TCERG1L: variants seen among roughly 807,000 people sequenced by gnomAD.
The protein encoded by TCERG1L is transcription elongation regulator 1 like, also known as transcription elongation regulator 1-like protein.
Under a neutral mutation model 56.3 loss-of-function variants are expected in TCERG1L, and 37 were observed. That is an observed-to-expected ratio of 0.66 (90% CI 0.51 to 0.87). TCERG1L has a LOEUF of 0.87. Among genes scored for constraint, TCERG1L ranks in the 40% least tolerant of loss-of-function variants. The pLI is 0.00. For missense variants in TCERG1L, 799 were observed against 774.2 expected (o/e 1.03, Z -0.38); for synonymous variants, 324 against 326.3 (o/e 0.99, Z 0.08).
chr10:131,117,091 G>A (rs1168304232), intron 8 of TCERG1L, among the ~76,000 whole-genome samples, 157 bp from the exon 9 acceptor site: 1 of 152,180 alleles, frequency 6.6e-6, no homozygotes, highest in Non-Finnish European at 1.5e-5. Flanking sequence ...CGCAAAGATG[G>A]CACATTTGCT....
At chr10:131,265,981 A>T (rs1250323089) in intron 3 of TCERG1L, among the ~76,000 whole-genome samples, 1 of 152,270 alleles carries the variant, frequency 6.6e-6, no homozygotes, top group Non-Finnish European at 1.5e-5. Flanking sequence ...TTTTAGCCGC[A>T]GTAGAACTTT....
chr10:131,311,312 G>T lies in TCERG1L; in HGVS notation c.324C>A (p.Phe108Leu), dbSNP rs1378185353. ...DSAAAAAAHP[F>L]PALHGQWLFG... The stretch of plus-strand genomic sequence containing the variant: ...ACGTTACCTGCCCGTGGAGCGCGGG[G>T]AAGGGGTGCGCGGCGGCGGCGGCGG... Residue 108 changes from phenylalanine to leucine, a missense_variant, in exon 1 of 12, where the codon TTC (phenylalanine) becomes TTA (leucine). Phe to Leu is a conservative substitution (Grantham distance 22). Transcript: ENST00000368642. The surrounding 1 kb of genome is among the most constrained non-coding windows in gnomAD (Gnocchi z 4.0). 23 of 1,207,408 alleles carry T rather than the reference G, an allele frequency of 1.9e-5. No individual in the cohort carries two copies. The South Asian group carries it at 2.9e-4, about 15-fold the overall frequency. 74.8% of individuals were successfully genotyped at this position (1,207,408 alleles called of 1,614,324 possible). A position where few individuals can be genotyped will look rare whatever the true frequency, so the allele number is the denominator to read the frequency against.
At chr10:131,179,593 A>AAAGCCATTCCT (rs1392432815) in intron 4 of TCERG1L, among the ~76,000 whole-genome samples, 5 of 152,156 alleles carry the variant, frequency 3.3e-5, no homozygotes, top group Non-Finnish European at 5.9e-5. Context: ...AAGTTCACAC[A>AAAGCCATTCCT]AAGCCATTCC....
At chr10:131,128,974 C>A (rs759337929) in intron 8 of TCERG1L, among the ~76,000 whole-genome samples, 2 of 152,174 alleles carry the variant, frequency 1.3e-5, no homozygotes, top group Admixed American at 6.5e-5. Flanking sequence ...CTAAACCATG[C>A]CCCAGGCATG....
At position 131,093,253 on chromosome 10, in the gene TCERG1L, C is replaced by A. The variant is rs769739754; in HGVS notation, c.1670G>T (p.Arg557Ile). ...RDQRFRLVQK[R>I]KDQEHFFNQF... Reference sequence around the variant, plus strand: ...GTTGAAAAAATGCTCCTGGTCCTTTCTTTTTTGAACAAGTCGGAACCTCTG... The same window carrying A: ...GTTGAAAAAATGCTCCTGGTCCTTTATTTTTTGAACAAGTCGGAACCTCTG... The change falls in exon 12 of 12, where the codon AGA (arginine) becomes ATA (isoleucine). Residue 557 changes from arginine to isoleucine, a missense_variant. Arg to Ile is a moderately conservative substitution (Grantham distance 97). Coordinates refer to ENST00000368642, the MANE Select transcript of TCERG1L (RefSeq NM_174937.4). 6 of 1,613,884 alleles carry A rather than the reference C, an allele frequency of 3.7e-6. No individual in the cohort carries two copies. The highest frequency in any genetic ancestry group is 5.1e-6 in the Non-Finnish European group (6 of 1,179,878).
intron 4 of TCERG1L, among the ~76,000 whole-genome samples, chr10:131,200,620 G>T (rs75278808): frequency 0.043 from 6,575 of 152,226 alleles, 163 homozygotes; most frequent in Middle Eastern, 0.068. Context: ...ATTTTCCTCG[G>T]AATAAATCAC....
chr10:131,241,916 A>G (rs2133521888), intron 4 of TCERG1L, among the ~76,000 whole-genome samples: 2 of 152,226 alleles, frequency 1.3e-5, no homozygotes, highest in East Asian at 3.9e-4. Flanking sequence ...AGTCACCTGT[A>G]CAGTAACACA....
intron 4 of TCERG1L, among the ~76,000 whole-genome samples, chr10:131,213,904 C>G (rs983139689): frequency 6.6e-6 from 1 of 152,352 alleles, no homozygotes. Flanking sequence ...TTCCCAGGCC[C>G]TGAGAACATG....
chr10:131,093,115 G>C lies in TCERG1L; in HGVS notation c.*47C>G. ...TCTCCACCGTGACCCCCTCGCCCCC[G>C]GCACGCCCAGGGTCAACCCCCGGGC... On this transcript the variant is annotated 3_prime_UTR_variant, in exon 12 of 12. Coordinates refer to ENST00000368642, the MANE Select transcript of TCERG1L (RefSeq NM_174937.4). The C allele has an allele frequency of 6.3e-7, 1 of 1,577,942 alleles. No individual in the cohort carries two copies. Among genetic ancestry groups the C allele is most frequent in the Non-Finnish European group, 8.6e-7 (1 of 1,160,624 alleles).
Position 131,157,466 on chromosome 10 carries a change from CTT to C in TCERG1L, c.1034+5654_1034+5655del, listed in dbSNP as rs980417361. On this transcript the variant is annotated intron_variant, in intron 6 of 11. Transcript: ENST00000368642. ...TAATCCAAAAGCTATGGATTTTACA[CTT>C]TGTCGAGCAATTACTGTTGACATTT... 1.2e-4 allele frequency among the ~76,000 whole-genome samples: 19 copies of C among 152,188 alleles called. 1 individual carries two copies. Among genetic ancestry groups the C allele is most frequent in the Admixed American group, 2.0e-4 (3 of 15,288 alleles).
chr10:131,260,931 G>A lies in TCERG1L; in HGVS notation c.671-487C>T, dbSNP rs1846231997. On this transcript the variant is annotated intron_variant, in intron 3 of 11. Coordinates refer to ENST00000368642, the MANE Select transcript of TCERG1L (RefSeq NM_174937.4). This position sits in a 1 kb window ranked among gnomAD's most constrained non-coding sequence, Gnocchi z 5.8. ...TTCCAGAGGACACCAGGCTCAGCTG[G>A]GCCCTGCAGGGAGAGGGCGGAGAGG... Among the ~76,000 whole-genome samples, 1 of 152,122 alleles carries A rather than the reference G, an allele frequency of 6.6e-6. No homozygotes were observed. The highest frequency in any genetic ancestry group is 2.4e-5 in the African/African-American group (1 of 41,420).
chr10:131,285,356 T>C (rs57850712), intron 3 of TCERG1L, among the ~76,000 whole-genome samples: 7,220 of 116,136 alleles, frequency 0.062, 196 homozygotes, highest in African/African-American at 0.098. Context: ...GCCTGGGCAA[T>C]ACAGTAAGAC....
intron 4 of TCERG1L, among the ~76,000 whole-genome samples, chr10:131,197,128 G>A (rs779787329): frequency 2.0e-5 from 3 of 151,812 alleles, no homozygotes; most frequent in African/African-American, 4.8e-5. Context: ...CTTTCATCTG[G>A]GACCCTGCTC....
chr10:131,171,598 AG>A (rs1296110259), intron 4 of TCERG1L, among the ~76,000 whole-genome samples: 1 of 152,182 alleles, frequency 6.6e-6, no homozygotes, highest in Admixed American at 6.5e-5. Flanking sequence ...ATTTATTTAG[AG>A]ACAGGGTCTC....
At chr10:131,116,003 A>G (rs2133389441) in intron 9 of TCERG1L, among the ~76,000 whole-genome samples, 1 of 152,314 alleles carries the variant, frequency 6.6e-6, no homozygotes, top group African/African-American at 2.4e-5. Flanking sequence ...CCTGCTCTGA[A>G]GTCTGAAAGG....
chr10:131,231,772 C>G (rs1431146606), intron 4 of TCERG1L, among the ~76,000 whole-genome samples: 1 of 152,120 alleles, frequency 6.6e-6, no homozygotes, highest in African/African-American at 2.4e-5. Flanking sequence ...TTTACTTCCA[C>G]TTAGCAAAAA....
At position 131,311,245 on chromosome 10, in the gene TCERG1L, G is replaced by T; in HGVS notation, c.342+49C>A. 8.4e-7 allele frequency: 1 copy of T among 1,188,492 alleles called. No individual in the cohort carries two copies. Among genetic ancestry groups the T allele is most frequent in the East Asian group, 3.6e-5 (1 of 28,126 alleles). 73.6% of individuals were successfully genotyped at this position (1,188,492 alleles called of 1,614,324 possible). ...GCCGGGCCGGGCAGGGCGCGCCCAG[G>T]AGCAGGGGAGACGGCGACCCGGGCC... On this transcript the variant is annotated intron_variant, in intron 1 of 11. Coordinates refer to ENST00000368642, the MANE Select transcript of TCERG1L (RefSeq NM_174937.4). This position sits in a 1 kb window ranked among gnomAD's most constrained non-coding sequence, Gnocchi z 4.0.
At chr10:131,208,900 A>T (rs1164436014) in intron 4 of TCERG1L, among the ~76,000 whole-genome samples, 1 of 152,120 alleles carries the variant, frequency 6.6e-6, no homozygotes, top group Non-Finnish European at 1.5e-5. Context: ...TACTAAAAAT[A>T]GAAAAAAATT....
intron 7 of TCERG1L, among the ~76,000 whole-genome samples, chr10:131,138,256 T>A (rs1845696830): frequency 1.3e-5 from 2 of 152,132 alleles, no homozygotes; most frequent in Non-Finnish European, 2.9e-5. Flanking sequence ...CTCCAGCCTG[T>A]GTGACAGAGT....
Sources: allele counts gnomAD v4.1 joint callset (sites outside exome capture counted in the v4.1 genomes callset), GRCh38; gene constraint gnomAD v4.1.1; non-coding constraint Gnocchi (gnomAD v3.1); transcripts MANE v1.5; gene names NCBI Gene and HGNC (gene_info 2026-07-23, HGNC 2026-07-21).